The following DENND4A variants were observed in gnomAD, a reference collection of about 807,000 sequenced individuals.
DENND4A encodes the protein DENN domain containing 4A.
A neutral mutation model predicts 199.3 loss-of-function variants in DENND4A; 70 were observed. The ratio of observed to expected loss-of-function variants is 0.35; its 90% CI spans 0.29 to 0.43. The LOEUF is 0.43. DENND4A is among the 20% of genes least tolerant of loss of function. The pLI is 1.00. For synonymous variants in DENND4A, 686 were observed against 766.9 expected (o/e 0.89, Z 1.74); for missense variants, 1,723 against 2,255.8 (o/e 0.76, Z 4.78).
At chr15:65,745,578 A>G (rs528954493) in intron 4 of DENND4A, among the ~76,000 whole-genome samples, 370 of 152,306 alleles carry the variant, frequency 2.4e-3, no homozygotes, top group Non-Finnish European at 4.6e-3. Flanking sequence ...TAGGCAAACA[A>G]ATTTTGGTTT....
intron 1 of DENND4A, among the ~76,000 whole-genome samples, chr15:65,789,808 A>G (rs62014414): frequency 0.062 from 9,434 of 152,290 alleles, 293 homozygotes; most frequent in African/African-American, 0.088. Context: ...ACAACAAAAT[A>G]TAATGTAACT....
intron 32 of DENND4A, among the ~76,000 whole-genome samples, chr15:65,663,907 C>A (rs2075956621): frequency 6.6e-6 from 1 of 152,122 alleles, no homozygotes; most frequent in East Asian, 1.9e-4. Flanking sequence ...CCACCTTGGC[C>A]TCCCAAAGTG....
chr15:65,721,917 C>A lies in DENND4A; in HGVS notation c.1588+931G>T, dbSNP rs2075657890. ...TCCTTATCAGTAATTCTGGACAAGTCAAGATATATTCTCATATAAGCTTTT... is the reference window on the plus strand; with the variant it reads ...TCCTTATCAGTAATTCTGGACAAGTAAAGATATATTCTCATATAAGCTTTT... On this transcript the variant is annotated intron_variant, in intron 12 of 32. Coordinates refer to ENST00000443035, the MANE Select transcript of DENND4A (RefSeq NM_001320835.1). Among the ~76,000 whole-genome samples the A allele has an allele frequency of 2.0e-5, 3 of 152,140 alleles. No homozygotes were observed. The South Asian group carries it at 6.2e-4, about 32-fold the overall frequency.
intron 1 of DENND4A, among the ~76,000 whole-genome samples, chr15:65,770,470 T>A (rs1263262189): frequency 6.6e-6 from 1 of 152,212 alleles, no homozygotes; most frequent in African/African-American, 2.4e-5. Context: ...TTAAAATCTA[T>A]CAGTATAGCA....
At chr15:65,709,716 AAAAATATAT>A (rs1375283905) in intron 14 of DENND4A, among the ~76,000 whole-genome samples, 1 of 127,236 alleles carries the variant, frequency 7.9e-6, no homozygotes, top group African/African-American at 3.0e-5. Flanking sequence ...AAAAAAAAAA[AAAAATATAT>A]ATATATATAT....
chr15:65,734,887 G>A (rs1343977912), intron 7 of DENND4A, among the ~76,000 whole-genome samples: 1 of 152,088 alleles, frequency 6.6e-6, no homozygotes, highest in Admixed American at 6.5e-5. Flanking sequence ...TTCAAGACCA[G>A]CCTAGGCAAC....
intron 4 of DENND4A, among the ~76,000 whole-genome samples, chr15:65,744,539 G>A (rs1471335643): frequency 6.6e-6 from 1 of 151,840 alleles, no homozygotes; most frequent in Non-Finnish European, 1.5e-5. Flanking sequence ...ATAATAACAA[G>A]GCTCCCTCCA....
At chr15:65,676,705 C>A in intron 23 of DENND4A, 71 bp from the exon 24 acceptor site, 1 of 1,217,994 alleles carries the variant, frequency 8.2e-7, no homozygotes. Flanking sequence ...ACTTCTAAGG[C>A]AGAAAAAACA....
chr15:65,785,195 T>A (rs1013416051), intron 1 of DENND4A, among the ~76,000 whole-genome samples: 8 of 150,850 alleles, frequency 5.3e-5, no homozygotes, highest in African/African-American at 2.0e-4. Flanking sequence ...AAAGCCGAAA[T>A]ACAAAGATCA....
chr15:65,693,563 A>G (rs575475166), intron 22 of DENND4A, among the ~76,000 whole-genome samples: 4 of 151,778 alleles, frequency 2.6e-5, no homozygotes, highest in Non-Finnish European at 5.9e-5. Flanking sequence ...ATTCCTTTCT[A>G]CCAAACAGCC....
Position 65,701,125 on chromosome 15 carries a change from T to A in DENND4A, c.2627A>T (p.Asn876Ile), listed in dbSNP as rs761547978. 6.2e-7 allele frequency: 1 copy of A among 1,610,788 alleles called. No homozygotes were observed. Among genetic ancestry groups the A allele is most frequent in the South Asian group, 1.1e-5 (1 of 90,370 alleles). Residue 876 changes from asparagine (N) to isoleucine (I), a missense_variant, in exon 19 of 33, where the codon AAT (asparagine) becomes ATT (isoleucine). This residue lies in a region of DENND4A where 650 missense variants were observed against 738.1 expected (regional missense o/e 0.88). Transcript: ENST00000443035. ...GAACTGTGTTACTCCTAAAACAACATTTCTTACTTTTGTCCAAAGAAAATA... is the reference window on the plus strand; with the variant it reads ...GAACTGTGTTACTCCTAAAACAACAATTCTTACTTTTGTCCAAAGAAAATA... ...SGYFLWTKVR[N>I]VVLGVTQFKR...
At chr15:65,737,426 T>A (rs1333304341) in intron 7 of DENND4A, among the ~76,000 whole-genome samples, 1 of 152,122 alleles carries the variant, frequency 6.6e-6, no homozygotes, top group African/African-American at 2.4e-5. Flanking sequence ...ATTTAAAAAT[T>A]AGTAAAAAAT....
At chr15:65,752,715 T>G in intron 3 of DENND4A, 87 bp from the exon 4 acceptor site, 1 of 804,816 alleles carries the variant, frequency 1.2e-6, no homozygotes, top group South Asian at 2.1e-5. Flanking sequence ...GATCCTTAAA[T>G]GTAGTAGCAT....
intron 1 of DENND4A, among the ~76,000 whole-genome samples, chr15:65,788,354 C>T (rs1310714247): frequency 3.3e-5 from 5 of 152,126 alleles, no homozygotes; most frequent in Non-Finnish European, 5.9e-5. Context: ...GGATTACAGG[C>T]GTGAGCCACT....
intron 22 of DENND4A, 102 bp downstream of exon 22, chr15:65,696,264 A>T (rs2077140943): frequency 2.8e-6 from 4 of 1,411,822 alleles, no homozygotes; most frequent in Admixed American, 2.5e-5. Context: ...AATATTTTTT[A>T]AAATCACCTT....
intron 7 of DENND4A, among the ~76,000 whole-genome samples, chr15:65,736,926 A>AT (rs1322688235): frequency 2.6e-5 from 4 of 152,210 alleles, no homozygotes; most frequent in African/African-American, 9.7e-5. Context: ...CAAAAAAGAC[A>AT]TTTATATTAA....
intron 1 of DENND4A, among the ~76,000 whole-genome samples, chr15:65,772,426 T>C (rs1281745341): frequency 6.6e-6 from 1 of 152,020 alleles, no homozygotes; most frequent in African/African-American, 2.4e-5. Context: ...ACCAGATATT[T>C]GGCCAGGCAC....
intron 32 of DENND4A, among the ~76,000 whole-genome samples, chr15:65,663,967 A>G (rs2075959209): frequency 6.6e-6 from 1 of 152,102 alleles, no homozygotes; most frequent in Non-Finnish European, 1.5e-5. Flanking sequence ...CAATTAAATA[A>G]TTTTTCCTGA....
intron 23 of DENND4A, among the ~76,000 whole-genome samples, chr15:65,684,517 T>C (rs1036491720): frequency 6.6e-6 from 1 of 152,220 alleles, no homozygotes; most frequent in Non-Finnish European, 1.5e-5. Context: ...TATCTCTTCT[T>C]TGGTGAAATA....
Sources: allele counts gnomAD v4.1 joint callset (sites outside exome capture counted in the v4.1 genomes callset), GRCh38; gene constraint gnomAD v4.1.1; regional missense constraint gnomAD v4.1.1; transcripts MANE v1.5; gene names NCBI Gene and HGNC (gene_info 2026-07-23, HGNC 2026-07-21).